CDH12: variants seen among roughly 807,000 people sequenced by gnomAD.
CDH12 encodes the protein cadherin-12.
In CDH12, 41 loss-of-function variants were observed where a neutral mutation model predicts 74.1. The observed-to-expected ratio is 0.55, with a 90% CI of 0.43 to 0.72. The LOEUF (loss-of-function observed/expected upper bound fraction) is 0.72, where lower values mean the gene tolerates loss of function less well. CDH12 is among the 30% of genes least tolerant of loss of function. The pLI, the probability that CDH12 is intolerant of heterozygous loss-of-function variation, is 0.00. For missense variants in CDH12, 945 were observed against 977.2 expected (o/e 0.97, Z 0.44); for synonymous variants, 399 against 355.0 (o/e 1.12, Z -1.39).
chr5:22,301,591 T>C (rs995571297), intron 3 of CDH12, among the ~76,000 whole-genome samples: 124 of 152,214 alleles, frequency 8.1e-4, no homozygotes, highest in African/African-American at 2.7e-3. Context: ...TAATGGAAAT[T>C]TAGTAACCAC....
At chr5:22,603,391 G>C (rs1013468258) in intron 1 of CDH12, among the ~76,000 whole-genome samples, 1 of 152,200 alleles carries the variant, frequency 6.6e-6, no homozygotes, top group African/African-American at 2.4e-5. Flanking sequence ...AAAATGTCCA[G>C]TGGCAGTAGA....
At chr5:22,809,758 A>G (rs980909757) in intron 1 of CDH12, among the ~76,000 whole-genome samples, 1 of 152,054 alleles carries the variant, frequency 6.6e-6, no homozygotes, top group Admixed American at 6.5e-5. Flanking sequence ...CTCTTTTTTT[A>G]AGCCAAAAAT....
At chr5:21,913,200 T>C (rs533892929) in intron 6 of CDH12, among the ~76,000 whole-genome samples, 1 of 152,288 alleles carries the variant, frequency 6.6e-6, no homozygotes, top group Non-Finnish European at 1.5e-5. Flanking sequence ...CTATGGCTCA[T>C]CTTGGAGAAG....
At chr5:22,123,481 A>G (rs1002860684) in intron 4 of CDH12, among the ~76,000 whole-genome samples, 1 of 152,186 alleles carries the variant, frequency 6.6e-6, no homozygotes, top group African/African-American at 2.4e-5. Context: ...CAAGATGACA[A>G]ATCCAAAGTT....
chr5:22,162,593 C>A (rs2150320245), intron 4 of CDH12, among the ~76,000 whole-genome samples: 1 of 152,166 alleles, frequency 6.6e-6, no homozygotes, highest in South Asian at 2.1e-4. Context: ...ATGTGGCTTG[C>A]CAGTGTAAGT....
At chr5:22,392,608 C>T (rs767926708) in intron 3 of CDH12, among the ~76,000 whole-genome samples, 2 of 152,158 alleles carry the variant, frequency 1.3e-5, no homozygotes, top group African/African-American at 2.4e-5. Flanking sequence ...ACAACTCCAA[C>T]AGTGAGGCCA....
intron 5 of CDH12, among the ~76,000 whole-genome samples, chr5:22,041,872 A>G (rs1036047273): frequency 1.3e-5 from 2 of 152,172 alleles, no homozygotes; most frequent in Non-Finnish European, 2.9e-5. Flanking sequence ...TCCCATGCAC[A>G]TGAAACATTC....
At chr5:21,842,995 A>G (rs1749956263) in intron 7 of CDH12, among the ~76,000 whole-genome samples, 1 of 152,194 alleles carries the variant, frequency 6.6e-6, no homozygotes, top group African/African-American at 2.4e-5. Flanking sequence ...AATTAAATTT[A>G]TAAGTGTGAA....
At chr5:22,656,408 T>C (rs776767115) in intron 1 of CDH12, among the ~76,000 whole-genome samples, 6 of 152,252 alleles carry the variant, frequency 3.9e-5, no homozygotes, top group Non-Finnish European at 8.8e-5. Flanking sequence ...AGTAAGAATA[T>C]GAATATGTGA....
At chr5:22,213,148 G>A (rs1751638331) in intron 3 of CDH12, among the ~76,000 whole-genome samples, 1 of 152,146 alleles carries the variant, frequency 6.6e-6, no homozygotes, top group African/African-American at 2.4e-5. Flanking sequence ...ACTTGTCTCT[G>A]CCGCTCGCCT....
chr5:22,283,931 G>A (rs1737026223), intron 3 of CDH12, among the ~76,000 whole-genome samples: 1 of 152,042 alleles, frequency 6.6e-6, no homozygotes, highest in Middle Eastern at 3.2e-3. Context: ...GGAATTGTTG[G>A]TGATGCACAC....
chr5:22,634,111 T>C (rs900294633), intron 1 of CDH12, among the ~76,000 whole-genome samples: 4 of 151,936 alleles, frequency 2.6e-5, no homozygotes, highest in African/African-American at 9.7e-5. Flanking sequence ...TTAAAAACAA[T>C]AAAATTGAAT....
intron 1 of CDH12, among the ~76,000 whole-genome samples, chr5:22,568,099 T>A (rs1231093221): frequency 3.9e-5 from 6 of 152,202 alleles, no homozygotes; most frequent in Admixed American, 3.9e-4. Context: ...ACTAAGGCAC[T>A]GGAAAACCTA....
chr5:21,875,645 C>T (rs1244987476), intron 6 of CDH12, among the ~76,000 whole-genome samples: 1 of 5,720 alleles, frequency 1.7e-4, no homozygotes, highest in Admixed American at 1.6e-3. Context: ...TCCCAAGTTG[C>T]TTTCCACAGT....
intron 4 of CDH12, among the ~76,000 whole-genome samples, chr5:22,175,504 T>G (rs1245301143): frequency 6.6e-6 from 1 of 152,110 alleles, no homozygotes; most frequent in Non-Finnish European, 1.5e-5. Context: ...AATGTATTTC[T>G]TTGCCTATTT....
chr5:22,666,115 C>G (rs938806162), intron 1 of CDH12, among the ~76,000 whole-genome samples: 5 of 152,038 alleles, frequency 3.3e-5, no homozygotes, highest in Non-Finnish European at 5.9e-5. Context: ...TATTTATTCA[C>G]TCTTATTTAC....
chr5:21,884,734 T>C (rs1427361474), intron 6 of CDH12, among the ~76,000 whole-genome samples: 1 of 152,200 alleles, frequency 6.6e-6, no homozygotes, highest in Non-Finnish European at 1.5e-5. Flanking sequence ...TATCCAATTA[T>C]GTGACAACCT....
chr5:22,435,496 ATATG>A (rs1744346541), intron 2 of CDH12, among the ~76,000 whole-genome samples: 1 of 66,668 alleles, frequency 1.5e-5, no homozygotes, highest in Admixed American at 2.1e-4. Context: ...ATGTGTATAT[ATATG>A]TGTGTGTGTG....
chr5:22,501,313 T>G (rs1488630039), intron 2 of CDH12, among the ~76,000 whole-genome samples: 1 of 152,128 alleles, frequency 6.6e-6, no homozygotes, highest in Non-Finnish European at 1.5e-5. Flanking sequence ...GAAAATTACA[T>G]AAAGGATAAT....
Sources: gnomAD v4.1 joint callset for allele counts (sites outside exome capture counted in the v4.1 genomes callset) on GRCh38, gnomAD v4.1.1 for gene constraint, MANE v1.5 for transcripts, NCBI Gene and HGNC (gene_info 2026-07-23, HGNC 2026-07-21) for gene names.